Variants in TNNT3 observed in about 807,000 individuals in gnomAD.
TNNT3 encodes the protein troponin T3, fast skeletal type, also known as troponin T, fast skeletal muscle.
Under a neutral mutation model 54.2 loss-of-function variants are expected in TNNT3, and 36 were observed. The observed-to-expected ratio is 0.66, with a 90% CI of 0.51 to 0.88. The LOEUF (loss-of-function observed/expected upper bound fraction) is 0.88, where lower values mean the gene tolerates loss of function less well. TNNT3 is among the 40% of genes least tolerant of loss of function. The pLI, the probability that TNNT3 is intolerant of heterozygous loss-of-function variation, is 0.00. For synonymous variants in TNNT3, 120 were observed against 109.7 expected (o/e 1.09, Z -0.59); for missense variants, 291 against 331.6 (o/e 0.88, Z 0.95).
intron 8 of TNNT3, among the ~76,000 whole-genome samples, chr11:1,930,410 A>G (rs1258682600): frequency 6.6e-6 from 1 of 152,066 alleles, no homozygotes; most frequent in Non-Finnish European, 1.5e-5. Context: ...TGACACCTTG[A>G]CCGTGTCCAG....
At chr11:1,935,741 CA>C (rs1194180667) in intron 14 of TNNT3, among the ~76,000 whole-genome samples, 3 of 152,106 alleles carry the variant, frequency 2.0e-5, no homozygotes, top group Non-Finnish European at 2.9e-5. Flanking sequence ...CCAGAGGCCC[CA>C]GGGGAGGGCG....
At chr11:1,936,704 G>A (rs538125169) in intron 14 of TNNT3, among the ~76,000 whole-genome samples, 78 of 152,318 alleles carry the variant, frequency 5.1e-4, no homozygotes, top group Admixed American at 9.1e-4. Flanking sequence ...TAAGTGGCCA[G>A]CTACGGGCTG....
chr11:1,932,934 A>G, intron 9 of TNNT3, among the ~76,000 whole-genome samples: 1 of 129,744 alleles, frequency 7.7e-6, no homozygotes, highest in African/African-American at 3.0e-5. Flanking sequence ...CCATCCATCC[A>G]CCCACCCAAC....
chr11:1,924,226 A>T (rs525529), intron 4 of TNNT3, among the ~76,000 whole-genome samples: 1 of 151,774 alleles, frequency 6.6e-6, no homozygotes, highest in African/African-American at 2.4e-5. Flanking sequence ...GCCACCCCCC[A>T]ACCCTGTGCT....
At chr11:1,926,809 C>A in intron 6 of TNNT3, 100 bp downstream of exon 6, 5 of 1,508,940 alleles carry the variant, frequency 3.3e-6, no homozygotes, top group African/African-American at 1.4e-5. Flanking sequence ...CGTTTGCCAC[C>A]AACAACTGAA....
chr11:1,922,711 C>T (rs1850370351), intron 1 of TNNT3, 146 bp from the exon 2 acceptor site: 3 of 750,104 alleles, frequency 4.0e-6, no homozygotes, highest in South Asian at 3.0e-5. Context: ...GAGGTGGACT[C>T]ACCCAAGGCC....
chr11:1,934,161 C>T (rs976384313), intron 11 of TNNT3, among the ~76,000 whole-genome samples, 153 bp downstream of exon 11: 1 of 152,244 alleles, frequency 6.6e-6, no homozygotes, highest in Non-Finnish European at 1.5e-5. Context: ...CTGCAGAACC[C>T]CTTGCCAGAA....
chr11:1,928,699 A>C lies in TNNT3; in HGVS notation c.83-421A>C, dbSNP rs180862826. 1.8e-3 allele frequency among the ~76,000 whole-genome samples: 279 copies of C among 152,192 alleles called. 1 individual carries two copies. Among genetic ancestry groups the C allele is most frequent in the Non-Finnish European group, 3.3e-3 (222 of 67,962 alleles). ...TTACAGGCAGGGGTCAGGCTCCGGG[A>C]AGCACGAAGCAAAGGGGCTGCACCC... On this transcript the variant is annotated intron_variant, in intron 6 of 15. Coordinates refer to ENST00000278317, the MANE Select transcript of TNNT3 (RefSeq NM_006757.4).
intron 5 of TNNT3, chr11:1,926,419 C>T (rs1238199575): frequency 1.2e-6 from 2 of 1,612,752 alleles, no homozygotes; most frequent in Non-Finnish European, 1.7e-6. Flanking sequence ...CTCCATTGAC[C>T]TCTGACCCGC....
chr11:1,933,974 C>T lies in TNNT3; in HGVS notation c.332C>T (p.Ala111Val), dbSNP rs1455290682. 3.1e-6 allele frequency: 5 copies of T among 1,612,602 alleles called. No individual in the cohort carries two copies. Among genetic ancestry groups the T allele is most frequent in the Non-Finnish European group, 4.2e-6 (5 of 1,179,926 alleles). ...AERAEQQRIR[A>V]EKERERQNRL... ...AGAGCGGAGCAGCAGAGGATTCGTG[C>T]AGAGAAGGAGAGGGAGCGCCAGAAC... Residue 111 changes from alanine (A) to valine (V), a missense_variant, in exon 11 of 16, where the codon GCA (alanine) becomes GTA (valine). Coordinates refer to ENST00000278317, the MANE Select transcript of TNNT3 (RefSeq NM_006757.4).
intron 14 of TNNT3, 23 bp from the exon 15 acceptor site, chr11:1,936,940 T>G: frequency 6.2e-7 from 1 of 1,600,530 alleles, no homozygotes. Flanking sequence ...GTCGTCGCAG[T>G]GAGTCACTCA....
At chr11:1,929,502 C>G (rs1189851060) in intron 7 of TNNT3, among the ~76,000 whole-genome samples, 1 of 152,252 alleles carries the variant, frequency 6.6e-6, no homozygotes, top group African/African-American at 2.4e-5. Context: ...TGCTCCGTCT[C>G]CTCCCTTCCC....
At chr11:1,923,407 G>T in intron 3 of TNNT3, 148 bp from the exon 4 acceptor site, 1 of 898,748 alleles carries the variant, frequency 1.1e-6, no homozygotes, top group Non-Finnish European at 1.9e-6. Context: ...CGCCTCCTCA[G>T]GGCCCGAGGA....
chr11:1,935,045 C>G (rs894140123), intron 14 of TNNT3, 126 bp downstream of exon 14: 2 of 911,554 alleles, frequency 2.2e-6, no homozygotes, highest in African/African-American at 3.3e-5. Flanking sequence ...CTGAGAGGCC[C>G]AAACAGGCTG....
chr11:1,925,556 G>A (rs1851349426), intron 5 of TNNT3, among the ~76,000 whole-genome samples: 1 of 152,016 alleles, frequency 6.6e-6, no homozygotes, highest in African/African-American at 2.4e-5. Context: ...TCAGCAGGGT[G>A]TCCCCAAGCA....
chr11:1,924,594 T>G (rs1850989538), intron 4 of TNNT3, among the ~76,000 whole-genome samples: 1 of 152,214 alleles, frequency 6.6e-6, no homozygotes, highest in Admixed American at 6.5e-5. Flanking sequence ...GGAGCCATCT[T>G]TTCTCTTGGG....
At chr11:1,923,704 T>C (rs1850730072) in intron 4 of TNNT3, 132 bp downstream of exon 4, 3 of 693,738 alleles carry the variant, frequency 4.3e-6, no homozygotes, top group Admixed American at 4.0e-5. Flanking sequence ...CAACCTTCCA[T>C]CTTCCTCATC....
At chr11:1,926,203 G>T (rs1382674483) in intron 5 of TNNT3, among the ~76,000 whole-genome samples, 1 of 152,184 alleles carries the variant, frequency 6.6e-6, no homozygotes, top group Non-Finnish European at 1.5e-5. Context: ...CTCCACCAAG[G>T]ACAAGAGCCA....
chr11:1,923,185 G>A (rs1850541367), intron 3 of TNNT3, 124 bp downstream of exon 3: 1 of 1,403,760 alleles, frequency 7.1e-7, no homozygotes, highest in Non-Finnish European at 1.0e-6. Flanking sequence ...GCATCCCATG[G>A]GTGGCTTCTG....
Sources: allele counts gnomAD v4.1 joint callset (sites outside exome capture counted in the v4.1 genomes callset), GRCh38; gene constraint gnomAD v4.1.1; transcripts MANE v1.5; gene names NCBI Gene and HGNC (gene_info 2026-07-23, HGNC 2026-07-21).